Variants in KHDRBS3 observed in about 807,000 individuals in gnomAD.
KHDRBS3 encodes the protein KH domain-containing, RNA-binding, signal transduction-associated protein 3.
KHDRBS3 carries 23 observed loss-of-function variants against 45.6 expected under a neutral mutation model. That is an observed-to-expected ratio of 0.50 (90% CI 0.36 to 0.72). The LOEUF is 0.72. Among genes scored for constraint, KHDRBS3 ranks in the 30% least tolerant of loss-of-function variants. The probability of loss-of-function intolerance (pLI) is 0.00; values close to 1 mark genes in which losing one functional copy is unlikely to be tolerated. For missense variants in KHDRBS3, 352 were observed against 424.8 expected (o/e 0.83, Z 1.51); for synonymous variants, 162 against 156.5 (o/e 1.04, Z -0.26).
intron 1 of KHDRBS3, among the ~76,000 whole-genome samples, chr8:135,504,094 T>C (rs1336846834): frequency 1.3e-5 from 2 of 152,164 alleles, no homozygotes; most frequent in Admixed American, 1.3e-4. Context: ...TTTGCTTTTT[T>C]CTCAGTGTCA....
At chr8:135,596,570 C>G (rs1198715734) in intron 6 of KHDRBS3, among the ~76,000 whole-genome samples, 2 of 151,828 alleles carry the variant, frequency 1.3e-5, no homozygotes, top group Non-Finnish European at 2.9e-5. Context: ...TGTGTAATTG[C>G]TGATATTCAA....
At chr8:135,529,444 T>G (rs1825357481) in intron 2 of KHDRBS3, among the ~76,000 whole-genome samples, 1 of 152,196 alleles carries the variant, frequency 6.6e-6, no homozygotes, top group South Asian at 2.1e-4. Context: ...GCTTGATTAT[T>G]GAGGCAGAAA....
chr8:135,498,727 C>T (rs777070661), intron 1 of KHDRBS3, among the ~76,000 whole-genome samples: 13 of 152,136 alleles, frequency 8.5e-5, no homozygotes, highest in South Asian at 4.1e-4. Flanking sequence ...AATATCATTA[C>T]GTATGCATAG....
At position 135,591,665 on chromosome 8, in the gene KHDRBS3, A is replaced by G. The variant is rs1463339349; in HGVS notation, c.807+9592A>G. On this transcript the variant is annotated intron_variant, in intron 6 of 8. Coordinates refer to ENST00000355849, the MANE Select transcript of KHDRBS3 (RefSeq NM_006558.3). Reference sequence around the variant, plus strand: ...TGAAATTTTGATGACTAGGAACATCAATGAAGGCCTTTAAGGGAAACGAAA... The same window carrying G: ...TGAAATTTTGATGACTAGGAACATCGATGAAGGCCTTTAAGGGAAACGAAA... Among the ~76,000 whole-genome samples the G allele has an allele frequency of 2.0e-5, 3 of 152,208 alleles. No individual in the cohort carries two copies. The East Asian group carries it at 5.8e-4, about 29-fold the overall frequency.
intron 7 of KHDRBS3, among the ~76,000 whole-genome samples, chr8:135,623,984 A>G (rs1414336734): frequency 2.0e-5 from 3 of 152,260 alleles, no homozygotes; most frequent in Admixed American, 6.5e-5. Flanking sequence ...GGAATGAAAT[A>G]TTTTAAATAT....
chr8:135,636,320 G>A (rs1030567416), intron 7 of KHDRBS3, among the ~76,000 whole-genome samples: 1 of 152,146 alleles, frequency 6.6e-6, no homozygotes, highest in African/African-American at 2.4e-5. Flanking sequence ...AATAAAATTA[G>A]TAAATGTTTA....
chr8:135,490,712 A>G (rs898479808), intron 1 of KHDRBS3, among the ~76,000 whole-genome samples: 5 of 152,238 alleles, frequency 3.3e-5, no homozygotes, highest in Non-Finnish European at 5.9e-5. Context: ...TAGGTAGTGT[A>G]GAATATGAAT....
chr8:135,610,890 C>CA (rs1829681922), intron 7 of KHDRBS3, among the ~76,000 whole-genome samples: 1 of 151,714 alleles, frequency 6.6e-6, no homozygotes, highest in South Asian at 2.1e-4. Context: ...GTTTCCTCCA[C>CA]AGGGAGCTGA....
At chr8:135,525,254 C>T (rs909844164) in intron 2 of KHDRBS3, among the ~76,000 whole-genome samples, 24 of 151,798 alleles carry the variant, frequency 1.6e-4, no homozygotes, top group African/African-American at 5.8e-4. Flanking sequence ...CAGTTCATTT[C>T]TTTCCTTAGT....
intron 1 of KHDRBS3, among the ~76,000 whole-genome samples, chr8:135,492,533 A>ATT (rs1491008203): frequency 6.7e-6 from 1 of 149,494 alleles, no homozygotes; most frequent in African/African-American, 2.5e-5. Context: ...ATATATATAT[A>ATT]TTTCCTCTAA....
At chr8:135,594,080 G>T (rs559106973) in intron 6 of KHDRBS3, among the ~76,000 whole-genome samples, 2 of 152,254 alleles carry the variant, frequency 1.3e-5, no homozygotes, top group Admixed American at 1.3e-4. Flanking sequence ...TATTGATGAG[G>T]TTTATTGTCA....
At chr8:135,461,190 T>C (rs908611246) in intron 1 of KHDRBS3, among the ~76,000 whole-genome samples, 7 of 152,204 alleles carry the variant, frequency 4.6e-5, no homozygotes, top group Admixed American at 1.3e-4. Flanking sequence ...CCGTAACCTC[T>C]GCCTTCTGGG....
intron 6 of KHDRBS3, among the ~76,000 whole-genome samples, chr8:135,600,893 A>C (rs891045113): frequency 6.6e-6 from 1 of 152,028 alleles, no homozygotes; most frequent in South Asian, 2.1e-4. Context: ...TAGAGACCAG[A>C]TTTCTCCGTG....
At chr8:135,464,220 T>C (rs372789631) in intron 1 of KHDRBS3, among the ~76,000 whole-genome samples, 72 of 152,340 alleles carry the variant, frequency 4.7e-4, no homozygotes, top group African/African-American at 1.6e-3. Flanking sequence ...GGAATTTCCA[T>C]TGGTGATGAA....
downstream of KHDRBS3, among the ~76,000 whole-genome samples, chr8:135,650,413 A>T (rs1831405348): frequency 6.6e-6 from 1 of 152,192 alleles, no homozygotes; most frequent in African/African-American, 2.4e-5. Flanking sequence ...TATTGGTATC[A>T]TATGACACAT....
At chr8:135,506,057 C>T (rs1167243823) in intron 1 of KHDRBS3, among the ~76,000 whole-genome samples, 2 of 152,136 alleles carry the variant, frequency 1.3e-5, no homozygotes, top group African/African-American at 2.4e-5. Context: ...GAGACCATAG[C>T]TTAATAACTG....
At chr8:135,640,781 T>G (rs905357913) in intron 7 of KHDRBS3, among the ~76,000 whole-genome samples, 2 of 152,176 alleles carry the variant, frequency 1.3e-5, no homozygotes, top group Non-Finnish European at 1.5e-5. Context: ...TTTGGCCTAA[T>G]GTGTTTTCTT....
intron 1 of KHDRBS3, among the ~76,000 whole-genome samples, chr8:135,500,082 C>G (rs1823656357): frequency 6.6e-6 from 1 of 151,990 alleles, no homozygotes; most frequent in Admixed American, 6.6e-5. Context: ...TTTTTCATAT[C>G]ATTAATTGAA....
At chr8:135,547,578 G>T (rs1670854591) in intron 3 of KHDRBS3, among the ~76,000 whole-genome samples, 2 of 152,152 alleles carry the variant, frequency 1.3e-5, no homozygotes, top group South Asian at 4.1e-4. Context: ...TCTTTTCTTT[G>T]TAAGAGTTCA....
Sources: allele counts gnomAD v4.1 joint callset (sites outside exome capture counted in the v4.1 genomes callset), GRCh38; gene constraint gnomAD v4.1.1; transcripts MANE v1.5; gene names NCBI Gene and HGNC (gene_info 2026-07-23, HGNC 2026-07-21).